TMOD2: variants seen among roughly 807,000 people sequenced by gnomAD.
The protein encoded by TMOD2 is tropomodulin-2.
A neutral mutation model predicts 39.9 loss-of-function variants in TMOD2; 22 were observed. The ratio of observed to expected loss-of-function variants is 0.55; its 90% CI spans 0.39 to 0.79. The LOEUF (loss-of-function observed/expected upper bound fraction) is 0.79, where lower values mean the gene tolerates loss of function less well. TMOD2 is among the 30% of genes least tolerant of loss of function. TMOD2 has a pLI of 0.00. For synonymous variants in TMOD2, 123 were observed against 146.1 expected, an observed-to-expected ratio of 0.84 and a Z score of 1.14; for missense variants, 386 against 413.3, an observed-to-expected ratio of 0.93 and a Z score of 0.57.
intron 3 of TMOD2, among the ~76,000 whole-genome samples, chr15:51,773,055 C>CA (rs2055863763): frequency 6.6e-6 from 1 of 152,164 alleles, no homozygotes; most frequent in Non-Finnish European, 1.5e-5. Context: ...CCCACACTGC[C>CA]AGGGCCTCAA....
chr15:51,796,328 T>C (rs1322121141), intron 7 of TMOD2, among the ~76,000 whole-genome samples: 3 of 152,188 alleles, frequency 2.0e-5, no homozygotes, highest in Non-Finnish European at 2.9e-5. Flanking sequence ...TAGAGCACAG[T>C]AGAAGCCTGA....
intron 1 of TMOD2, among the ~76,000 whole-genome samples, chr15:51,760,038 C>T (rs893919685): frequency 6.6e-6 from 1 of 152,174 alleles, no homozygotes; most frequent in Admixed American, 6.5e-5. Flanking sequence ...CCCATTGATA[C>T]AGTCTAAATA....
chr15:51,765,990 G>A (rs1243294137), intron 1 of TMOD2, among the ~76,000 whole-genome samples: 1 of 152,136 alleles, frequency 6.6e-6, no homozygotes, highest in East Asian at 1.9e-4. Flanking sequence ...TTTTTCTATG[G>A]AGAGCCAGGG....
intron 7 of TMOD2, among the ~76,000 whole-genome samples, chr15:51,794,987 A>G (rs1234358585): frequency 6.6e-6 from 1 of 152,214 alleles, no homozygotes; most frequent in African/African-American, 2.4e-5. Context: ...ATAAATCTCC[A>G]TTCTCATGGG....
intron 7 of TMOD2, among the ~76,000 whole-genome samples, chr15:51,787,425 A>G (rs1157424376): frequency 6.6e-6 from 1 of 152,264 alleles, no homozygotes; most frequent in Admixed American, 6.5e-5. Flanking sequence ...GGGGCAGGGC[A>G]TATCTGAACA....
At chr15:51,787,229 C>A (rs925422432) in intron 7 of TMOD2, among the ~76,000 whole-genome samples, 1 of 152,250 alleles carries the variant, frequency 6.6e-6, no homozygotes, top group African/African-American at 2.4e-5. Context: ...TTGCTCACTG[C>A]TAGCACAGCA....
intron 2 of TMOD2, chr15:51,766,877 T>C: frequency 5.2e-6 from 1 of 192,084 alleles, no homozygotes; most frequent in Non-Finnish European, 1.1e-5. Context: ...CAAATCTTAC[T>C]GAGTTTTTTC....
intron 2 of TMOD2, among the ~76,000 whole-genome samples, chr15:51,767,780 G>GT (rs1045023254): frequency 5.9e-5 from 9 of 152,232 alleles, no homozygotes; most frequent in Admixed American, 1.3e-4. Context: ...TTCTGTTGTT[G>GT]TTTTTTTAAA....
intron 8 of TMOD2, among the ~76,000 whole-genome samples, chr15:51,799,217 C>T (rs1438076691): frequency 6.6e-6 from 1 of 152,092 alleles, no homozygotes; most frequent in African/African-American, 2.4e-5. Flanking sequence ...AAAGGAGAGA[C>T]CAAGGAGACT....
At chr15:51,794,029 C>A (rs189023890) in intron 7 of TMOD2, among the ~76,000 whole-genome samples, 16 of 152,296 alleles carry the variant, frequency 1.1e-4, no homozygotes, top group Admixed American at 1.0e-3. Context: ...ACTGCCTGAC[C>A]AAGATACAGG....
intron 9 of TMOD2, among the ~76,000 whole-genome samples, chr15:51,807,907 A>G (rs1378663813): frequency 6.6e-6 from 1 of 152,200 alleles, no homozygotes; most frequent in Non-Finnish European, 1.5e-5. Context: ...AAAGAACATT[A>G]ATCTCTGAGT....
chr15:51,778,291 A>T (rs1333114746), intron 5 of TMOD2, among the ~76,000 whole-genome samples: 2 of 137,502 alleles, frequency 1.5e-5, no homozygotes, highest in African/African-American at 5.4e-5. Flanking sequence ...AACAATGAGA[A>T]CACATGGACA....
chr15:51,770,361 C>G (rs2141619497), intron 3 of TMOD2, among the ~76,000 whole-genome samples: 2 of 152,338 alleles, frequency 1.3e-5, no homozygotes, highest in Middle Eastern at 6.8e-3. Context: ...GCTTTCACAG[C>G]ACTGTAACAA....
intron 9 of TMOD2, 130 bp downstream of exon 9, chr15:51,806,651 G>A (rs919435166): frequency 1.3e-5 from 13 of 1,005,976 alleles, no homozygotes; most frequent in Middle Eastern, 2.2e-4. Flanking sequence ...CATATAAGAC[G>A]CATTATTATA....
chr15:51,789,492 G>C (rs1350573108), intron 7 of TMOD2, among the ~76,000 whole-genome samples: 1 of 152,190 alleles, frequency 6.6e-6, no homozygotes, highest in Non-Finnish European at 1.5e-5. Context: ...CTTGAACTCA[G>C]CTCTGGACCA....
At chr15:51,798,731 C>G (rs1357370847) in intron 8 of TMOD2, among the ~76,000 whole-genome samples, 1 of 152,202 alleles carries the variant, frequency 6.6e-6, no homozygotes, top group Non-Finnish European at 1.5e-5. Context: ...GGGACTGTTG[C>G]TAACAGAGAA....
At chr15:51,807,234 G>C (rs887461469) in intron 9 of TMOD2, among the ~76,000 whole-genome samples, 2 of 152,220 alleles carry the variant, frequency 1.3e-5, no homozygotes, top group Non-Finnish European at 2.9e-5. Context: ...CCCAGTTTGA[G>C]GTTCAGGGAC....
intron 7 of TMOD2, among the ~76,000 whole-genome samples, chr15:51,794,305 T>G (rs183468727): frequency 3.2e-4 from 49 of 152,370 alleles, no homozygotes; most frequent in African/African-American, 1.1e-3. Flanking sequence ...CTCGTCTTCC[T>G]TCTTCCTGTC....
chr15:51,761,080 G>A lies in TMOD2; in HGVS notation c.-69-5293G>A, dbSNP rs117812931. ...ATTCTGTGGACAAGAGGGAGCCATT[G>A]TAAGTTCTTAACCAGGGAAGTGGCT... On this transcript the variant is annotated intron_variant, in intron 1 of 9. Transcript: ENST00000249700. 1.4e-4 allele frequency among the ~76,000 whole-genome samples: 21 copies of A among 152,328 alleles called. No homozygotes were observed. The East Asian group carries it at 4.0e-3, about 29-fold the overall frequency.
Sources: allele counts gnomAD v4.1 joint callset (sites outside exome capture counted in the v4.1 genomes callset), GRCh38; gene constraint gnomAD v4.1.1; transcripts MANE v1.5; gene names NCBI Gene and HGNC (gene_info 2026-07-23, HGNC 2026-07-21).